Variants in NRXN1 observed in about 807,000 individuals in gnomAD.
NRXN1 encodes the protein neurexin 1.
A neutral mutation model predicts 150.9 loss-of-function variants in NRXN1; 39 were observed. The ratio of observed to expected loss-of-function variants is 0.26; its 90% CI spans 0.20 to 0.34. The LOEUF (loss-of-function observed/expected upper bound fraction) is 0.34. NRXN1 is among the 10% of genes least tolerant of loss of function. NRXN1 has a pLI of 1.00. For synonymous variants in NRXN1, 924 were observed against 757.0 expected, an observed-to-expected ratio of 1.22 and a Z score of -3.62; for missense variants, 1,815 against 1,949.9, an observed-to-expected ratio of 0.93 and a Z score of 1.30.
intron 11 of NRXN1, among the ~76,000 whole-genome samples, chr2:50,529,967 G>A (rs1041410243): frequency 1.3e-5 from 2 of 152,002 alleles, no homozygotes; most frequent in East Asian, 1.9e-4. Context: ...ATGAGTTATC[G>A]TTCTGCCCAG....
At chr2:50,764,345 G>A (rs1022601454) in intron 5 of NRXN1, among the ~76,000 whole-genome samples, 2 of 151,906 alleles carry the variant, frequency 1.3e-5, no homozygotes, top group African/African-American at 4.8e-5. Context: ...TTTGCGTATG[G>A]TGCAAACCAT....
chr2:50,118,643 A>G (rs943207476), intron 18 of NRXN1, among the ~76,000 whole-genome samples: 3 of 152,142 alleles, frequency 2.0e-5, no homozygotes, highest in African/African-American at 7.2e-5. Flanking sequence ...CTTCCTTTAA[A>G]TTCAAAAGCA....
In NRXN1 at chr2:50,472,448, C is replaced by T; in HGVS notation, c.3094G>A (p.Ala1032Thr). ...GGTAAGGATTTGTATGTTTCTTTAG[C>T]TACTCCTCCTATATATAAGTCACCT... ...LKSDLYIGGV[A>T]KETYKSLPKL... The change falls in exon 16 of 23, where the codon GCT becomes ACT. Residue 1032 changes from alanine to threonine, a missense_variant. Physicochemically the swap from Ala to Thr is moderately conservative, Grantham distance 58. Coordinates refer to ENST00000401669, the MANE Select transcript of NRXN1 (RefSeq NM_001330078.2). 1.2e-6 allele frequency: 2 copies of T among 1,611,914 alleles called. No individual in the cohort carries two copies. The highest frequency in any genetic ancestry group is 1.1e-5 in the South Asian group (1 of 90,980).
chr2:49,995,729 G>A (rs563344698), intron 21 of NRXN1, among the ~76,000 whole-genome samples: 32 of 133,210 alleles, frequency 2.4e-4, no homozygotes, highest in Admixed American at 4.2e-4. Flanking sequence ...TGCAGTGAGC[G>A]GAGATCCCAT....
chr2:50,688,557 C>G (rs1691595567), intron 5 of NRXN1, among the ~76,000 whole-genome samples: 1 of 152,130 alleles, frequency 6.6e-6, no homozygotes, highest in Admixed American at 6.5e-5. Context: ...CCTGTAGCCA[C>G]AGAATCCAGT....
At chr2:50,409,830 G>A (rs2083016525) in intron 17 of NRXN1, among the ~76,000 whole-genome samples, 1 of 152,088 alleles carries the variant, frequency 6.6e-6, no homozygotes. Context: ...GATATGATTA[G>A]GCAATTCTTT....
chr2:50,996,002 T>G (rs887515908), intron 2 of NRXN1, among the ~76,000 whole-genome samples: 8 of 152,068 alleles, frequency 5.3e-5, no homozygotes, highest in African/African-American at 1.9e-4. Context: ...CAAATGTTGG[T>G]CAATGAGGAT....
intron 18 of NRXN1, among the ~76,000 whole-genome samples, chr2:50,127,064 G>A (rs914553760): frequency 1.3e-5 from 2 of 152,192 alleles, no homozygotes; most frequent in Non-Finnish European, 2.9e-5. Flanking sequence ...CCTGCCAGGA[G>A]TTGAAATGAT....
At chr2:50,781,358 A>C (rs550879334) in intron 5 of NRXN1, among the ~76,000 whole-genome samples, 1 of 152,212 alleles carries the variant, frequency 6.6e-6, no homozygotes, top group African/African-American at 2.4e-5. Context: ...CATTCCTTGA[A>C]ATGAAAGTCT....
chr2:50,416,424 C>T (rs2083543387), intron 17 of NRXN1, among the ~76,000 whole-genome samples: 1 of 152,072 alleles, frequency 6.6e-6, no homozygotes, highest in Admixed American at 6.6e-5. Context: ...CCCAGGTGAC[C>T]TCCCCAAATA....
chr2:50,098,595 C>A (rs1700551481), intron 18 of NRXN1, among the ~76,000 whole-genome samples: 1 of 152,138 alleles, frequency 6.6e-6, no homozygotes, highest in Non-Finnish European at 1.5e-5. Context: ...AAACTCCCAG[C>A]AGACCTGAAA....
At chr2:50,194,307 A>C (rs2061623191) in intron 18 of NRXN1, among the ~76,000 whole-genome samples, 1 of 152,152 alleles carries the variant, frequency 6.6e-6, no homozygotes. Flanking sequence ...TAGTTTTCCA[A>C]CAGCTAAACA....
intron 19 of NRXN1, among the ~76,000 whole-genome samples, chr2:50,065,403 C>T (rs1695212218): frequency 6.6e-6 from 1 of 152,076 alleles, no homozygotes; most frequent in Non-Finnish European, 1.5e-5. Flanking sequence ...GTCATAAGGG[C>T]CAACATCTTC....
chr2:50,063,585 C>A (rs1204254858), intron 19 of NRXN1, among the ~76,000 whole-genome samples: 1 of 151,002 alleles, frequency 6.6e-6, no homozygotes, highest in Non-Finnish European at 1.5e-5. Flanking sequence ...CACACACACA[C>A]ACATCTAAGG....
intron 5 of NRXN1, among the ~76,000 whole-genome samples, chr2:50,656,909 A>T (rs1227375003): frequency 6.6e-6 from 1 of 152,092 alleles, no homozygotes; most frequent in African/African-American, 2.4e-5. Context: ...CTTGGAAAAT[A>T]AAATTAAATG....
chr2:49,941,988 CT>C (rs1388944033), intron 22 of NRXN1, among the ~76,000 whole-genome samples: 1 of 152,066 alleles, frequency 6.6e-6, no homozygotes, highest in East Asian at 1.9e-4. Flanking sequence ...ATAGCAATGA[CT>C]TTTTTTGTTG....
intron 5 of NRXN1, among the ~76,000 whole-genome samples, chr2:50,752,363 T>C (rs1166208166): frequency 3.3e-5 from 5 of 151,954 alleles, no homozygotes. Context: ...GGTTTTGTGA[T>C]TATTTAACAT....
intron 2 of NRXN1, among the ~76,000 whole-genome samples, chr2:50,941,491 C>T (rs1324136287): frequency 1.3e-5 from 2 of 151,944 alleles, no homozygotes; most frequent in African/African-American, 2.4e-5. Flanking sequence ...GAAGTCCAGG[C>T]TGAGGTGGTC....
intron 13 of NRXN1, among the ~76,000 whole-genome samples, chr2:50,500,543 T>C (rs978541322): frequency 6.6e-6 from 1 of 152,198 alleles, no homozygotes; most frequent in Non-Finnish European, 1.5e-5. Flanking sequence ...TGTAGATATT[T>C]GTTGATTAAA....
Sources: allele counts gnomAD v4.1 joint callset (sites outside exome capture counted in the v4.1 genomes callset), GRCh38; gene constraint gnomAD v4.1.1; transcripts MANE v1.5; gene names NCBI Gene and HGNC (gene_info 2026-07-23, HGNC 2026-07-21).